Variants in PTPRD observed in about 807,000 individuals in gnomAD.
PTPRD encodes the protein protein tyrosine phosphatase receptor type D, also known as receptor-type tyrosine-protein phosphatase delta.
In PTPRD, 34 loss-of-function variants were observed where a neutral mutation model predicts 214.5. The ratio of observed to expected loss-of-function variants is 0.16; its 90% CI spans 0.12 to 0.21. The LOEUF is 0.21. Ranked by LOEUF, PTPRD falls within the 10% of genes least tolerant of loss-of-function variation. PTPRD has a pLI of 1.00. For synonymous variants in PTPRD, 1,128 were observed against 845.7 expected, an observed-to-expected ratio of 1.33 and a Z score of -5.79; for missense variants, 2,545 against 2,398.7, an observed-to-expected ratio of 1.06 and a Z score of -1.27.
At chr9:8,586,144 AC>A (rs2093636778) in intron 14 of PTPRD, among the ~76,000 whole-genome samples, 2 of 152,174 alleles carry the variant, frequency 1.3e-5, no homozygotes. Flanking sequence ...TATTAAAAAT[AC>A]AAAAATTAGC....
chr9:10,224,043 A>G (rs945031368), intron 3 of PTPRD, among the ~76,000 whole-genome samples: 1 of 151,912 alleles, frequency 6.6e-6, no homozygotes, highest in East Asian at 1.9e-4. Context: ...TCTAAAATAA[A>G]ACAACAATAA....
intron 9 of PTPRD, among the ~76,000 whole-genome samples, chr9:9,366,747 G>A (rs951750745): frequency 6.6e-6 from 1 of 151,318 alleles, no homozygotes; most frequent in African/African-American, 2.4e-5. Flanking sequence ...AAATTCTTCC[G>A]AGTAAAAAAG....
intron 3 of PTPRD, among the ~76,000 whole-genome samples, chr9:10,236,630 T>A (rs1358571534): frequency 1.3e-5 from 2 of 151,900 alleles, no homozygotes; most frequent in East Asian, 3.9e-4. Flanking sequence ...ATATGGTGGA[T>A]CATTCTGCAA....
At chr9:10,263,419 C>T (rs2093828028) in intron 3 of PTPRD, among the ~76,000 whole-genome samples, 1 of 152,082 alleles carries the variant, frequency 6.6e-6, no homozygotes, top group Non-Finnish European at 1.5e-5. Flanking sequence ...GACCAAAATC[C>T]TGATAGTGAT....
At chr9:10,033,208 C>A (rs1223824570) in intron 4 of PTPRD, among the ~76,000 whole-genome samples, 1 of 151,402 alleles carries the variant, frequency 6.6e-6, no homozygotes, top group Non-Finnish European at 1.5e-5. Flanking sequence ...AGGCGTGTTG[C>A]TGAGAAACAT....
chr9:10,076,793 A>G (rs2098138482), intron 3 of PTPRD, among the ~76,000 whole-genome samples: 1 of 152,120 alleles, frequency 6.6e-6, no homozygotes, highest in Non-Finnish European at 1.5e-5. Context: ...CTCTCTTTCC[A>G]ATCTTATATC....
At chr9:10,125,062 G>A (rs1441473670) in intron 3 of PTPRD, among the ~76,000 whole-genome samples, 1 of 152,172 alleles carries the variant, frequency 6.6e-6, no homozygotes, top group East Asian at 1.9e-4. Context: ...GAAGGTGGTT[G>A]TCTGTTAGCC....
chr9:9,194,882 A>G (rs1352349202), intron 9 of PTPRD, among the ~76,000 whole-genome samples: 3 of 151,952 alleles, frequency 2.0e-5, no homozygotes, highest in Admixed American at 2.0e-4. Flanking sequence ...TAGCTTATAA[A>G]GTTTGTATCT....
chr9:9,647,181 C>A (rs539781360), intron 7 of PTPRD, among the ~76,000 whole-genome samples: 13 of 152,096 alleles, frequency 8.5e-5, no homozygotes, highest in South Asian at 4.1e-4. Flanking sequence ...CTTTCCCCCC[C>A]CTCTTTCTAG....
At position 9,970,467 on chromosome 9, in the gene PTPRD, A is replaced by AG. The variant is rs202083705; in HGVS notation, c.-471-31858_-471-31857insC. Among the ~76,000 whole-genome samples, 15 of 151,280 alleles carry AG rather than the reference A, an allele frequency of 9.9e-5. 1 individual carries two copies. Among genetic ancestry groups the AG allele is most frequent in the Middle Eastern group, 7.0e-3 (2 of 284 alleles). On this transcript the variant is annotated intron_variant, in intron 4 of 45. Coordinates refer to ENST00000381196, the MANE Select transcript of PTPRD (RefSeq NM_002839.4). ...AAGAAAAAGAAAAAGAAAAAGAAAA[A>AG]AAAAATTACTTTTGTGGTTGAATTA...
chr9:10,471,747 G>C (rs1024359132), intron 2 of PTPRD, among the ~76,000 whole-genome samples: 4 of 151,976 alleles, frequency 2.6e-5, no homozygotes, highest in African/African-American at 9.7e-5. Flanking sequence ...ATAGTAATAA[G>C]TATAACCATA....
chr9:9,887,093 C>G (rs1456308307), intron 5 of PTPRD, among the ~76,000 whole-genome samples: 1 of 152,080 alleles, frequency 6.6e-6, no homozygotes, highest in Non-Finnish European at 1.5e-5. Context: ...GTCCCTTCTC[C>G]CATACCTTGG....
chr9:8,742,336 T>C (rs1220959304), intron 11 of PTPRD, among the ~76,000 whole-genome samples: 1 of 152,150 alleles, frequency 6.6e-6, no homozygotes, highest in African/African-American at 2.4e-5. Context: ...GACATATGCA[T>C]TACCTCATAT....
chr9:8,446,105 C>CAAAAAAGCAGGTA (rs2095714081), intron 34 of PTPRD, among the ~76,000 whole-genome samples: 1 of 152,130 alleles, frequency 6.6e-6, no homozygotes, highest in Non-Finnish European at 1.5e-5. Context: ...GTTATACTGA[C>CAAAAAAGCAGGTA]AAAAAAGCAG....
At chr9:9,185,322 T>G (rs1487247376) in intron 9 of PTPRD, among the ~76,000 whole-genome samples, 1 of 152,032 alleles carries the variant, frequency 6.6e-6, no homozygotes, top group African/African-American at 2.4e-5. Flanking sequence ...CATGCCTCCA[T>G]GTATTCATTA....
At chr9:9,787,199 G>A (rs753288660) in intron 5 of PTPRD, among the ~76,000 whole-genome samples, 40 of 150,370 alleles carry the variant, frequency 2.7e-4, no homozygotes, top group Non-Finnish European at 5.0e-4. Context: ...CATTTAACTA[G>A]ATTTTATAAA....
At chr9:8,867,519 A>G (rs723145) in intron 11 of PTPRD, among the ~76,000 whole-genome samples, 106,551 of 152,084 alleles carry the variant, frequency 0.7, 39,414 homozygotes, top group East Asian at 0.88. Flanking sequence ...GGTAAGAAGG[A>G]ACAGGACAAC....
At chr9:9,946,973 T>C (rs2092648644) in intron 4 of PTPRD, among the ~76,000 whole-genome samples, 1 of 151,862 alleles carries the variant, frequency 6.6e-6, no homozygotes, top group Non-Finnish European at 1.5e-5. Flanking sequence ...AAAATCCTGA[T>C]TTTGGAAGCC....
chr9:9,280,449 T>C (rs79829977), intron 9 of PTPRD, among the ~76,000 whole-genome samples: 16,254 of 151,286 alleles, frequency 0.11, 1,235 homozygotes, highest in East Asian at 0.29. Context: ...AATATAAGAC[T>C]AATTTATAAA....
Sources: gnomAD v4.1 joint callset for allele counts (sites outside exome capture counted in the v4.1 genomes callset) on GRCh38, gnomAD v4.1.1 for gene constraint, MANE v1.5 for transcripts, NCBI Gene and HGNC (gene_info 2026-07-23, HGNC 2026-07-21) for gene names.